Variants in MAML2 observed in about 807,000 individuals in gnomAD.
MAML2 encodes the protein mastermind like transcriptional coactivator 2, also known as mastermind-like protein 2.
A neutral mutation model predicts 96.1 loss-of-function variants in MAML2; 22 were observed. That is an observed-to-expected ratio of 0.23 (90% CI 0.16 to 0.33). The LOEUF is 0.33. Ranked by LOEUF, MAML2 falls within the 10% of genes least tolerant of loss-of-function variation. The probability of loss-of-function intolerance (pLI) is 1.00; values close to 1 mark genes in which losing one functional copy is unlikely to be tolerated. For missense variants in MAML2, 1,367 were observed against 1,392.4 expected (o/e 0.98, Z 0.29); for synonymous variants, 561 against 521.3 (o/e 1.08, Z -1.04).
At chr11:96,042,184 G>A (rs1858825182) in intron 2 of MAML2, among the ~76,000 whole-genome samples, 1 of 152,130 alleles carries the variant, frequency 6.6e-6, no homozygotes, top group Admixed American at 6.5e-5. Flanking sequence ...TACCGTGTTA[G>A]CCAGGATGGT....
rs1555004090 is a variant in MAML2, at chr11:96,068,438, T to TCACTCACACACACACACACA, written c.2139+23453_2139+23454insTGTGTGTGTGTGTGTGAGTG. Among the ~76,000 whole-genome samples, 29 of 120,290 alleles carry TCACTCACACACACACACACA rather than the reference T, an allele frequency of 2.4e-4. 2 individuals are homozygous for TCACTCACACACACACACACA. The highest frequency in any genetic ancestry group is 8.8e-5 in the Admixed American group (1 of 11,366). 78.9% of individuals were successfully genotyped at this position (120,290 alleles called of 152,430 possible). A position where few individuals can be genotyped will look rare whatever the true frequency, so the allele number is the denominator to read the frequency against. ...GTAGAATTTCCTGGGGGAGCTTACTTCACACACACACACACACACACACAC... is the reference window on the plus strand; with the variant it reads ...GTAGAATTTCCTGGGGGAGCTTACTTCACTCACACACACACACACACACACACACACACACACACACACAC... On this transcript the variant is annotated intron_variant, in intron 2 of 4. Transcript: ENST00000524717.
rs114771145 is a variant in MAML2, at chr11:96,269,294, G to A, written c.513+72089C>T. 9.2e-3 allele frequency among the ~76,000 whole-genome samples: 1,329 copies of A among 144,118 alleles called. 233 individuals are homozygous for A. Among genetic ancestry groups the A allele is most frequent in the African/African-American group, 0.034 (1,256 of 37,430 alleles). 94.5% of individuals were successfully genotyped at this position (144,118 alleles called of 152,430 possible). On this transcript the variant is annotated intron_variant, in intron 1 of 4. Coordinates refer to ENST00000524717, the MANE Select transcript of MAML2 (RefSeq NM_032427.4). ...TCTGTGAATCTGGTGAGATTTCTAT[G>A]GTAGAAAGTCACATGAATCATCATT... is the stretch of plus-strand genomic sequence containing the variant.
chr11:96,208,824 T>C (rs1298242974), intron 1 of MAML2, among the ~76,000 whole-genome samples: 1 of 151,974 alleles, frequency 6.6e-6, no homozygotes, highest in Non-Finnish European at 1.5e-5. Context: ...AAAAAAATCA[T>C]ACAGGATATG....
intron 2 of MAML2, among the ~76,000 whole-genome samples, chr11:96,072,731 A>G (rs1859365906): frequency 6.6e-6 from 1 of 152,194 alleles, no homozygotes; most frequent in Non-Finnish European, 1.5e-5. Context: ...TGAACCCTGG[A>G]TGGGACCAGA....
At chr11:96,050,525 G>C (rs1473544243) in intron 2 of MAML2, among the ~76,000 whole-genome samples, 1 of 152,182 alleles carries the variant, frequency 6.6e-6, no homozygotes, top group East Asian at 1.9e-4. Flanking sequence ...CTTTTTGCAT[G>C]AGAATCTGAC....
chr11:95,979,443 T>A lies in MAML2; in HGVS notation c.2976A>T (p.Ala992=). ...GCAGTGACTGATTTGGGGTATAGGC[T>A]GCAGGTGTACCTGTGGGGAAGCGGA... ...AGVRFPTGTP[A]AYTPNQSLQQ... is the part of the protein sequence containing the mutation. Residue 992 remains alanine, a synonymous_variant, in exon 5 of 5, where the codon GCA becomes GCT. Coordinates refer to ENST00000524717, the MANE Select transcript of MAML2 (RefSeq NM_032427.4). The A allele has an allele frequency of 6.2e-7, 1 of 1,613,696 alleles. No individual in the cohort carries two copies. Among genetic ancestry groups the A allele is most frequent in the Non-Finnish European group, 8.5e-7 (1 of 1,179,762 alleles).
At chr11:96,267,829 C>G (rs1862851859) in intron 1 of MAML2, among the ~76,000 whole-genome samples, 1 of 152,206 alleles carries the variant, frequency 6.6e-6, no homozygotes, top group Non-Finnish European at 1.5e-5. Flanking sequence ...CTGGAGGAAG[C>G]TGAATCTGAA....
Position 96,106,334 on chromosome 11 carries a change from A to G in MAML2, c.514-12817T>C, listed in dbSNP as rs1860020525. ...CAATGGTAATTCTCTTTGTCAAAGC[A>G]GTAAGCCCTCTTCATTTGATGAGAA... On this transcript the variant is annotated intron_variant, in intron 1 of 4. Coordinates refer to ENST00000524717, the MANE Select transcript of MAML2 (RefSeq NM_032427.4). 3.9e-5 allele frequency among the ~76,000 whole-genome samples: 6 copies of G among 152,360 alleles called. 1 individual carries two copies. The South Asian group carries it at 1.2e-3, about 32-fold the overall frequency.
At chr11:96,214,151 A>C (rs948246929) in intron 1 of MAML2, among the ~76,000 whole-genome samples, 1 of 152,228 alleles carries the variant, frequency 6.6e-6, no homozygotes, top group Non-Finnish European at 1.5e-5. Flanking sequence ...ATTTCTATGG[A>C]ATATAATATA....
At chr11:96,250,382 A>G (rs933971170) in intron 1 of MAML2, among the ~76,000 whole-genome samples, 1 of 152,116 alleles carries the variant, frequency 6.6e-6, no homozygotes, top group South Asian at 2.1e-4. Context: ...ATCATTTCAA[A>G]CATTTATCAT....
At chr11:96,013,740 A>G (rs1004123960) in intron 2 of MAML2, among the ~76,000 whole-genome samples, 1 of 152,186 alleles carries the variant, frequency 6.6e-6, no homozygotes, top group Non-Finnish European at 1.5e-5. Context: ...CTGTTGGAGG[A>G]GAGCCAGGGC....
At position 96,266,237 on chromosome 11, in the gene MAML2, C is replaced by T. The variant is rs187038814; in HGVS notation, c.513+75146G>A. 1.6e-4 allele frequency among the ~76,000 whole-genome samples: 25 copies of T among 152,262 alleles called. No homozygotes were observed. In the East Asian group the frequency reaches 2.7e-3, roughly 17 times the overall value. The stretch of plus-strand genomic sequence containing the variant: ...ACTTTTCCCATTTCACCTCCTCTGT[C>T]AGTACCAAGCTGGTCTGTATGAGGA... On this transcript the variant is annotated intron_variant, in intron 1 of 4. Coordinates refer to ENST00000524717, the MANE Select transcript of MAML2 (RefSeq NM_032427.4).
At chr11:96,214,655 G>T (rs1185582502) in intron 1 of MAML2, among the ~76,000 whole-genome samples, 1 of 152,160 alleles carries the variant, frequency 6.6e-6, no homozygotes, top group Non-Finnish European at 1.5e-5. Flanking sequence ...TTATAGTCAT[G>T]CGAAATACAC....
chr11:96,246,820 T>C (rs1411442650), intron 1 of MAML2, among the ~76,000 whole-genome samples: 1 of 152,150 alleles, frequency 6.6e-6, no homozygotes, highest in East Asian at 1.9e-4. Context: ...AGGAAACCGT[T>C]GTGGACACAC....
At chr11:96,305,163 G>T (rs11600582) in intron 1 of MAML2, among the ~76,000 whole-genome samples, 2 of 152,156 alleles carry the variant, frequency 1.3e-5, no homozygotes, top group South Asian at 4.2e-4. Context: ...AAATAATATG[G>T]AAACAGTAAA....
At chr11:96,107,870 T>G (rs1860050233) in intron 1 of MAML2, among the ~76,000 whole-genome samples, 2 of 152,194 alleles carry the variant, frequency 1.3e-5, no homozygotes, top group African/African-American at 4.8e-5. Flanking sequence ...CATGGAAGCT[T>G]TGAGCCTCTT....
chr11:96,108,163 A>G (rs775087042), intron 1 of MAML2, among the ~76,000 whole-genome samples: 2 of 152,206 alleles, frequency 1.3e-5, no homozygotes, highest in Non-Finnish European at 2.9e-5. Flanking sequence ...TCTCAGGTAG[A>G]CAGTGTAATA....
At chr11:95,988,109 C>T (rs531069595) in intron 3 of MAML2, among the ~76,000 whole-genome samples, 2 of 133,518 alleles carry the variant, frequency 1.5e-5, no homozygotes, top group African/African-American at 5.8e-5. Flanking sequence ...ATACTGAAGA[C>T]AGGATGTGTG....
chr11:96,051,280 A>G (rs1940159), intron 2 of MAML2, among the ~76,000 whole-genome samples: 54,819 of 152,016 alleles, frequency 0.36, 11,300 homozygotes, highest in East Asian at 0.51. Context: ...CTCACATTCT[A>G]TGGAAGGAAA....
Sources: gnomAD v4.1 joint callset for allele counts (sites outside exome capture counted in the v4.1 genomes callset) on GRCh38, gnomAD v4.1.1 for gene constraint, MANE v1.5 for transcripts, NCBI Gene and HGNC (gene_info 2026-07-23, HGNC 2026-07-21) for gene names.